MACROD2: variants seen among roughly 807,000 people sequenced by gnomAD.
The protein encoded by MACROD2 is ADP-ribose glycohydrolase MACROD2.
In MACROD2, 36 loss-of-function variants were observed where a neutral mutation model predicts 70.4. The observed-to-expected ratio is 0.51, with a 90% CI of 0.39 to 0.68. The LOEUF (loss-of-function observed/expected upper bound fraction) is 0.68, where lower values mean the gene tolerates loss of function less well. MACROD2 is among the 30% of genes least tolerant of loss of function. The pLI is 0.00. For synonymous variants in MACROD2, 172 were observed against 178.8 expected (o/e 0.96, Z 0.30); for missense variants, 496 against 538.4 (o/e 0.92, Z 0.78).
At chr20:15,777,387 A>G (rs527957397) in intron 8 of MACROD2, among the ~76,000 whole-genome samples, 2 of 151,964 alleles carry the variant, frequency 1.3e-5, no homozygotes, top group African/African-American at 2.4e-5. Context: ...GAAAAATACT[A>G]ATCTAGTCCA....
At chr20:14,396,421 G>T (rs1449070195) in intron 3 of MACROD2, among the ~76,000 whole-genome samples, 1 of 152,042 alleles carries the variant, frequency 6.6e-6, no homozygotes, top group Non-Finnish European at 1.5e-5. Context: ...TAGGATAATT[G>T]TCTCCTTTTG....
chr20:15,931,429 G>A (rs184617141), intron 10 of MACROD2, among the ~76,000 whole-genome samples: 1 of 151,882 alleles, frequency 6.6e-6, no homozygotes, highest in Non-Finnish European at 1.5e-5. Context: ...ATTGCTTTAG[G>A]CCAGGAGTTC....
chr20:14,047,664 C>A (rs1286288627), intron 2 of MACROD2, among the ~76,000 whole-genome samples: 3 of 151,756 alleles, frequency 2.0e-5, no homozygotes, highest in Non-Finnish European at 4.4e-5. Context: ...ATGGAGGTGG[C>A]AGTATTGACA....
chr20:14,863,377 G>T (rs985271409), intron 5 of MACROD2, among the ~76,000 whole-genome samples: 1 of 152,098 alleles, frequency 6.6e-6, no homozygotes, highest in Non-Finnish European at 1.5e-5. Flanking sequence ...AAAGCTCCAA[G>T]GGGTAAAGGA....
intron 5 of MACROD2, among the ~76,000 whole-genome samples, chr20:14,934,312 C>A (rs2074321527): frequency 6.6e-6 from 1 of 152,156 alleles, no homozygotes; most frequent in African/African-American, 2.4e-5. Context: ...AATAAAGCAA[C>A]AGAAGAAGGC....
At chr20:15,526,163 T>G (rs552471744) in intron 8 of MACROD2, among the ~76,000 whole-genome samples, 2 of 152,290 alleles carry the variant, frequency 1.3e-5, no homozygotes, top group Non-Finnish European at 2.9e-5. Context: ...TGTCTTTCCT[T>G]CAGGTCCATC....
At chr20:15,761,316 G>C (rs2051432526) in intron 8 of MACROD2, among the ~76,000 whole-genome samples, 1 of 152,310 alleles carries the variant, frequency 6.6e-6, no homozygotes, top group East Asian at 1.9e-4. Context: ...AAAGTGCTGG[G>C]ATTATAGGCC....
chr20:14,327,287 C>T (rs2082752382), intron 3 of MACROD2: 1 of 1,613,760 alleles, frequency 6.2e-7, no homozygotes, highest in Non-Finnish European at 8.5e-7. Context: ...GAAGGAATCC[C>T]AGCATTATTT....
At chr20:15,424,280 G>A (rs573876726) in intron 6 of MACROD2, among the ~76,000 whole-genome samples, 3 of 152,318 alleles carry the variant, frequency 2.0e-5, no homozygotes, top group South Asian at 4.1e-4. Flanking sequence ...ATTTAAATGG[G>A]TAATGTCCAT....
rs935423613 is a variant in MACROD2, at chr20:15,137,527, G to A, written c.419-92413G>A. 1.0e-4 allele frequency among the ~76,000 whole-genome samples: 14 copies of A among 136,876 alleles called. 1 individual carries two copies. Among genetic ancestry groups the A allele is most frequent in the Non-Finnish European group, 1.5e-4 (10 of 65,662 alleles). The allele number at this position is 136,876 out of a possible 152,430, so 89.8% of individuals were successfully genotyped here. On this transcript the variant is annotated intron_variant, in intron 5 of 17. Transcript: ENST00000684519. Reference sequence around the variant, plus strand: ...TGAACAATGAGAACACATGGACACAGGAAAGGGAACATCACACTCTGGGGA... The same window carrying A: ...TGAACAATGAGAACACATGGACACAAGAAAGGGAACATCACACTCTGGGGA...
chr20:14,049,008 G>A (rs1268749574), intron 2 of MACROD2, among the ~76,000 whole-genome samples: 1 of 151,960 alleles, frequency 6.6e-6, no homozygotes, highest in Non-Finnish European at 1.5e-5. Flanking sequence ...TATGCAAAGA[G>A]CTTCTATGCA....
At chr20:14,277,582 T>C (rs1416609350) in intron 3 of MACROD2, among the ~76,000 whole-genome samples, 1 of 152,146 alleles carries the variant, frequency 6.6e-6, no homozygotes, top group Non-Finnish European at 1.5e-5. Flanking sequence ...TAATGAAACA[T>C]GGTGGGCTGA....
intron 5 of MACROD2, among the ~76,000 whole-genome samples, chr20:14,948,640 A>T (rs2122725962): frequency 6.6e-6 from 1 of 152,270 alleles, no homozygotes; most frequent in African/African-American, 2.4e-5. Flanking sequence ...TGGTACTGCA[A>T]GCTCTAAAAT....
chr20:14,499,146 G>A (rs2084888968), intron 4 of MACROD2, among the ~76,000 whole-genome samples: 1 of 152,198 alleles, frequency 6.6e-6, no homozygotes, highest in Non-Finnish European at 1.5e-5. Flanking sequence ...CATGGCAGGA[G>A]AAACTCAGGG....
At chr20:14,752,968 A>T (rs1432827786) in intron 5 of MACROD2, among the ~76,000 whole-genome samples, 1 of 152,112 alleles carries the variant, frequency 6.6e-6, no homozygotes, top group Admixed American at 6.5e-5. Context: ...CCATAATTAT[A>T]TGCCTGAAGA....
intron 5 of MACROD2, among the ~76,000 whole-genome samples, chr20:15,026,874 G>T (rs1189897639): frequency 6.6e-6 from 1 of 152,176 alleles, no homozygotes; most frequent in African/African-American, 2.4e-5. Context: ...ATGTCTTAGT[G>T]GAAATCAGGC....
In MACROD2 at chr20:15,206,721, G is replaced by GTTTTTTTTTT. The variant is rs56752104; in HGVS notation, c.419-23202_419-23193dup. Among the ~76,000 whole-genome samples the GTTTTTTTTTT allele has an allele frequency of 8.2e-3, 270 of 33,002 alleles. 74 individuals are homozygous for GTTTTTTTTTT. The highest frequency in any genetic ancestry group is 0.014 in the African/African-American group (93 of 6,544). The allele number at this position is 33,002 out of a possible 152,430, so 21.7% of individuals were successfully genotyped here. ...GCATGAAGTCTTTCATATTATCTAT[G>GTTTTTTTTTT]TTTTTTTTTTTTTTTTTTTTTTTTT... On this transcript the variant is annotated intron_variant, in intron 5 of 17. Transcript: ENST00000684519.
intron 5 of MACROD2, among the ~76,000 whole-genome samples, chr20:14,817,768 A>G (rs895917142): frequency 4.6e-5 from 7 of 152,168 alleles, no homozygotes; most frequent in African/African-American, 1.4e-4. Flanking sequence ...TTAAGGGACA[A>G]CGGAGGTAGG....
At chr20:15,716,732 A>C (rs2050713371) in intron 8 of MACROD2, among the ~76,000 whole-genome samples, 1 of 152,220 alleles carries the variant, frequency 6.6e-6, no homozygotes, top group Non-Finnish European at 1.5e-5. Flanking sequence ...AAAGCCATCA[A>C]CGGGTTTTCT....
Sources: gnomAD v4.1 joint callset for allele counts (sites outside exome capture counted in the v4.1 genomes callset) on GRCh38, gnomAD v4.1.1 for gene constraint, MANE v1.5 for transcripts, NCBI Gene and HGNC (gene_info 2026-07-23, HGNC 2026-07-21) for gene names.